Variants in SLC36A1 observed in about 807,000 individuals in gnomAD.
SLC36A1 encodes proton-coupled amino acid transporter 1.
In SLC36A1, 30 loss-of-function variants were observed where a neutral mutation model predicts 47.5. The observed-to-expected ratio is 0.63, with a 90% CI of 0.47 to 0.86. The LOEUF (loss-of-function observed/expected upper bound fraction) is 0.86, where lower values mean the gene tolerates loss of function less well. Ranked by LOEUF, SLC36A1 falls within the 40% of genes least tolerant of loss-of-function variation. The probability of loss-of-function intolerance (pLI) is 0.00; values close to 1 mark genes in which losing one functional copy is unlikely to be tolerated. For synonymous variants in SLC36A1, 255 were observed against 249.7 expected, an observed-to-expected ratio of 1.02 and a Z score of -0.20; for missense variants, 517 against 606.0, an observed-to-expected ratio of 0.85 and a Z score of 1.54.
intron 5 of SLC36A1, among the ~76,000 whole-genome samples, chr5:151,466,715 A>G (rs1024315469): frequency 7.2e-5 from 11 of 152,296 alleles, no homozygotes; most frequent in Admixed American, 3.3e-4. Context: ...AACTAACAAA[A>G]AAGTGTGAGA....
At chr5:151,351,010 C>G in the SLC36A1 span, among the ~76,000 whole-genome samples, 1 of 152,144 alleles carries the variant, frequency 6.6e-6, no homozygotes, top group African/African-American at 2.4e-5. Flanking sequence ...TGATGGCCAC[C>G]ACTCTGTGCT....
At chr5:151,476,837 ACTTATCT>A in intron 9 of SLC36A1, 81 bp downstream of exon 9, 2 of 1,530,820 alleles carry the variant, frequency 1.3e-6, no homozygotes, top group African/African-American at 2.7e-5. Context: ...TCTCCCTCTT[ACTTATCT>A]CTTAAACCAG....
chr5:151,543,252 G>A, the SLC36A1 span: 1 of 1,614,144 alleles, frequency 6.2e-7, no homozygotes, highest in East Asian at 2.2e-5. Context: ...GGTCCTCTGG[G>A]TTCACTGAGT....
intron 2 of SLC36A1, 108 bp from the exon 3 acceptor site, chr5:151,463,445 C>G: frequency 1.2e-6 from 1 of 838,854 alleles, no homozygotes. Context: ...AAGATAAAAT[C>G]TTACAGGGTT....
At chr5:151,462,939 G>C (rs1003524395) in intron 2 of SLC36A1, among the ~76,000 whole-genome samples, 2 of 150,480 alleles carry the variant, frequency 1.3e-5, no homozygotes, top group Non-Finnish European at 3.0e-5. Flanking sequence ...ACAGTGGCAC[G>C]ATCTTAACTC....
the SLC36A1 span, among the ~76,000 whole-genome samples, chr5:151,361,278 G>T: frequency 6.6e-6 from 1 of 152,132 alleles, no homozygotes; most frequent in Non-Finnish European, 1.5e-5. Context: ...TTTTCACAAT[G>T]ATATAATTGG....
chr5:151,397,316 G>A, the SLC36A1 span, among the ~76,000 whole-genome samples: 1 of 152,206 alleles, frequency 6.6e-6, no homozygotes, highest in Non-Finnish European at 1.5e-5. Context: ...TAACATAAGA[G>A]CACAAAGCGG....
chr5:151,347,700 C>G, the SLC36A1 span: 1 of 559,232 alleles, frequency 1.8e-6, no homozygotes, highest in Non-Finnish European at 3.2e-6. Flanking sequence ...TTGGAAAAGG[C>G]ATCACCCATT....
At chr5:151,452,096 G>A (rs775532787) in intron 1 of SLC36A1, among the ~76,000 whole-genome samples, 3 of 152,186 alleles carry the variant, frequency 2.0e-5, no homozygotes, top group South Asian at 4.1e-4. Flanking sequence ...AAAAGTGTGC[G>A]TGTTTGCCTG....
chr5:151,455,354 G>C lies in SLC36A1; in HGVS notation c.-5-3434G>C, dbSNP rs187203437. ...CTCCCAAGCAGAATTTTTTTTTTCT[G>C]TTTTCAATATGCATGCAGTTGCTTA... On this transcript the variant is annotated intron_variant, in intron 1 of 10. Coordinates refer to ENST00000243389, the MANE Select transcript of SLC36A1 (RefSeq NM_078483.4). 1.0e-3 allele frequency among the ~76,000 whole-genome samples: 151 copies of C among 151,096 alleles called. 1 individual carries two copies. Among genetic ancestry groups the C allele is most frequent in the Admixed American group, 3.6e-3 (55 of 15,206 alleles).
intron 1 of SLC36A1, among the ~76,000 whole-genome samples, chr5:151,450,182 C>G (rs936436604): frequency 6.6e-6 from 1 of 151,072 alleles, no homozygotes; most frequent in African/African-American, 2.4e-5. Context: ...GAGCAGATGT[C>G]CGCTTACTAG....
the SLC36A1 span, chr5:151,527,467 TAAG>T: frequency 4.6e-5 from 61 of 1,328,278 alleles, no homozygotes; most frequent in African/African-American, 6.2e-4. Context: ...TCAAAAAAAA[TAAG>T]AAGGAGACAC....
At chr5:151,446,915 A>G (rs1752957172), upstream of SLC36A1, among the ~76,000 whole-genome samples, 1 of 152,120 alleles carries the variant, frequency 6.6e-6, no homozygotes, top group Non-Finnish European at 1.5e-5. Context: ...ATGGCCATTA[A>G]TATTAGTTGT....
chr5:151,365,322 T>A, the SLC36A1 span, among the ~76,000 whole-genome samples: 2 of 152,244 alleles, frequency 1.3e-5, no homozygotes, highest in African/African-American at 4.8e-5. Flanking sequence ...ATAGATGTGA[T>A]GTTAATGCTC....
the SLC36A1 span, among the ~76,000 whole-genome samples, chr5:151,405,744 T>C: frequency 5.1e-4 from 78 of 152,320 alleles, 1 homozygote; most frequent in African/African-American, 1.9e-3. Context: ...TTTTTGTTTC[T>C]GTGTTCTTTT....
intron 7 of SLC36A1, among the ~76,000 whole-genome samples, chr5:151,468,356 A>G (rs1426664719): frequency 7.1e-6 from 1 of 140,608 alleles, no homozygotes; most frequent in African/African-American, 2.6e-5. Context: ...TATTACATGT[A>G]TATTTTACAT....
intron 7 of SLC36A1, chr5:151,471,001 T>C (rs1336402748): frequency 6.6e-6 from 1 of 152,242 alleles, no homozygotes; most frequent in Non-Finnish European, 1.5e-5. Flanking sequence ...GTTATAACAG[T>C]TTCAGGATTG....
At chr5:151,462,255 A>G (rs929341991) in intron 2 of SLC36A1, among the ~76,000 whole-genome samples, 1 of 152,256 alleles carries the variant, frequency 6.6e-6, no homozygotes, top group Non-Finnish European at 1.5e-5. Flanking sequence ...TTATTAATAT[A>G]CAATGAAGAT....
At chr5:151,355,802 A>G in the SLC36A1 span, among the ~76,000 whole-genome samples, 2 of 152,220 alleles carry the variant, frequency 1.3e-5, no homozygotes, top group African/African-American at 2.4e-5. Flanking sequence ...ATAAAACCGC[A>G]TACATCTCCA....
Sources: allele counts gnomAD v4.1 joint callset (sites outside exome capture counted in the v4.1 genomes callset), GRCh38; gene constraint gnomAD v4.1.1; transcripts MANE v1.5; gene names NCBI Gene and HGNC (gene_info 2026-07-23, HGNC 2026-07-21).